Variants in ADGRE1 observed in about 807,000 individuals in gnomAD.
ADGRE1 encodes adhesion G protein-coupled receptor E1.
In ADGRE1, 82 loss-of-function variants were observed where a neutral mutation model predicts 102.7. The observed-to-expected ratio is 0.80, with a 90% CI of 0.67 to 0.96. The LOEUF (loss-of-function observed/expected upper bound fraction) is 0.96. Ranked by LOEUF, ADGRE1 falls within the 40% of genes least tolerant of loss-of-function variation. ADGRE1 has a pLI of 0.00. For missense variants in ADGRE1, 1,032 were observed against 1,085.3 expected (o/e 0.95, Z 0.69); for synonymous variants, 398 against 399.6 (o/e 1.00, Z 0.05).
intron 15 of ADGRE1, among the ~76,000 whole-genome samples, chr19:6,926,047 G>A (rs1974891300): frequency 6.6e-6 from 1 of 152,110 alleles, no homozygotes; most frequent in Non-Finnish European, 1.5e-5. Flanking sequence ...GGTCTAGTTT[G>A]CTGAACCCGC....
In ADGRE1 at chr19:6,928,925, G is replaced by A. The variant is rs552499388; in HGVS notation, c.2289+714G>A. Among the ~76,000 whole-genome samples the A allele has an allele frequency of 9.4e-5, 13 of 137,832 alleles. No individual in the cohort carries two copies. In the East Asian group the frequency reaches 1.0e-3, roughly 11 times the overall value. The allele number at this position is 137,832 out of a possible 152,430, so 90.4% of individuals were successfully genotyped here. A position where few individuals can be genotyped will look rare whatever the true frequency, so the allele number is the denominator to read the frequency against. ...TTGCACTCCAGCCTAGGCAACAAGA[G>A]CAAAACTCCATCTCAAAAAAAAAAA... On this transcript the variant is annotated intron_variant, in intron 17 of 20. Transcript: ENST00000312053.
intron 20 of ADGRE1, among the ~76,000 whole-genome samples, 186 bp downstream of exon 20, chr19:6,937,834 TTATC>T (rs144649712): frequency 6.6e-6 from 1 of 152,028 alleles, no homozygotes; most frequent in Non-Finnish European, 1.5e-5. Flanking sequence ...CACACACACA[TTATC>T]TATCTCTCTA....
At chr19:6,907,541 T>A (rs142018416) in intron 9 of ADGRE1, among the ~76,000 whole-genome samples, 2 of 152,278 alleles carry the variant, frequency 1.3e-5, no homozygotes, top group African/African-American at 4.8e-5. Context: ...GGTTTTGCCA[T>A]GTTGGCCAGA....
chr19:6,922,612 T>TCTCACA (rs1285686495), intron 14 of ADGRE1, among the ~76,000 whole-genome samples: 12 of 123,154 alleles, frequency 9.7e-5, no homozygotes, highest in African/African-American at 3.3e-4. Flanking sequence ...AGACTCTGTC[T>TCTCACA]CACACACACA....
chr19:6,937,511 C>T (rs35998173), intron 19 of ADGRE1, 33 bp from the exon 20 acceptor site: 2 of 1,569,380 alleles, frequency 1.3e-6, no homozygotes, highest in Admixed American at 3.5e-5. Context: ...TGGACCATTT[C>T]CCTGCATCTG....
At position 6,908,783 on chromosome 19, in the gene ADGRE1, G is replaced by C; in HGVS notation, c.1122+11G>C. 6.2e-7 allele frequency: 1 copy of C among 1,600,366 alleles called. No homozygotes were observed. The highest frequency in any genetic ancestry group is 8.5e-7 in the Non-Finnish European group (1 of 1,176,142). On this transcript the variant is annotated intron_variant, in intron 10 of 20. Transcript: ENST00000312053. ...GTAGTTTCTCTGAAGGTAACGATTG[G>C]GTCTTTTAAATTGTGTTTTGAGTTT...
At chr19:6,922,967 C>T (rs1269627961) in intron 14 of ADGRE1, among the ~76,000 whole-genome samples, 3 of 152,022 alleles carry the variant, frequency 2.0e-5, no homozygotes, top group African/African-American at 7.2e-5. Context: ...GTCCAAGCTA[C>T]TCGGGAGGCT....
At chr19:6,897,906 A>G (rs940135542) in intron 5 of ADGRE1, 3 of 187,514 alleles carry the variant, frequency 1.6e-5, no homozygotes, top group African/African-American at 7.6e-5. Flanking sequence ...TATTGCTAGC[A>G]AACATGATTT....
At chr19:6,892,129 G>C (rs1973400955) in intron 2 of ADGRE1, among the ~76,000 whole-genome samples, 1 of 152,126 alleles carries the variant, frequency 6.6e-6, no homozygotes. Context: ...TAAAATGCCG[G>C]AAGTCTGCAT....
intron 11 of ADGRE1, among the ~76,000 whole-genome samples, chr19:6,915,511 C>T (rs571289589): frequency 1.8e-4 from 28 of 152,266 alleles, no homozygotes; most frequent in African/African-American, 6.5e-4. Context: ...CAAATTTAGG[C>T]AGCTAGTGCG....
intron 1 of ADGRE1, among the ~76,000 whole-genome samples, chr19:6,889,259 ATGG>A (rs1195982856): frequency 6.6e-6 from 1 of 151,126 alleles, no homozygotes; most frequent in Non-Finnish European, 1.5e-5. Context: ...GATGATGATA[ATGG>A]TGATGATGGT....
intron 3 of ADGRE1, chr19:6,896,824 C>T (rs1361767901): frequency 4.1e-6 from 2 of 487,860 alleles, no homozygotes; most frequent in Non-Finnish European, 7.2e-6. Flanking sequence ...TCTCTTTGAT[C>T]ATGTAAATAA....
rs1973853281 is a variant in ADGRE1 at position 6,903,825 on chromosome 19, C to T, written c.677C>T (p.Thr226Ile). ...KASCEDIDEC[T>I]EMCPINSTCT... Reference sequence around the variant, plus strand: ...TACCCCACAGATATTGATGAATGCACTGAAATGTGCCCCATCAATTCAACA... The same window carrying T: ...TACCCCACAGATATTGATGAATGCATTGAAATGTGCCCCATCAATTCAACA... Residue 226 changes from threonine (T) to isoleucine (I), a missense_variant, in exon 7 of 21, where the codon ACT (threonine) becomes ATT (isoleucine). Coordinates refer to ENST00000312053, the MANE Select transcript of ADGRE1 (RefSeq NM_001974.5). 6.2e-7 allele frequency: 1 copy of T among 1,613,998 alleles called. No individual in the cohort carries two copies. Among genetic ancestry groups the T allele is most frequent in the African/African-American group, 1.3e-5 (1 of 74,912 alleles).
rs531328774 is a variant in ADGRE1, at chr19:6,906,576, T to C, written c.1038+55T>C. On this transcript the variant is annotated intron_variant, in intron 9 of 20. Coordinates refer to ENST00000312053, the MANE Select transcript of ADGRE1 (RefSeq NM_001974.5). ...GAGGTTTTCTTAGAAGCCATTTAGG[T>C]AGAATGTTGTTTTTGCAGTTCTAAC... 4.6e-6 allele frequency: 7 copies of C among 1,523,004 alleles called. No individual in the cohort carries two copies. The East Asian group carries it at 1.6e-4, about 35-fold the overall frequency. The allele number at this position is 1,523,004 out of a possible 1,614,324, so 94.3% of individuals were successfully genotyped here. A position where few individuals can be genotyped will look rare whatever the true frequency, so the allele number is the denominator to read the frequency against.
intron 2 of ADGRE1, 143 bp downstream of exon 2, chr19:6,890,686 C>T: frequency 1.3e-6 from 1 of 768,700 alleles, no homozygotes; most frequent in Non-Finnish European, 2.1e-6. Flanking sequence ...TGCAAGTCTC[C>T]TGATTCTCAC....
intron 15 of ADGRE1, among the ~76,000 whole-genome samples, chr19:6,925,531 T>C (rs1043202967): frequency 2.3e-4 from 35 of 152,258 alleles, no homozygotes; most frequent in African/African-American, 7.5e-4. Context: ...TGGAGCAGCG[T>C]GCTACTGCTC....
At chr19:6,937,202 C>T in intron 18 of ADGRE1, 41 bp from the exon 19 acceptor site, 1 of 1,579,102 alleles carries the variant, frequency 6.3e-7, no homozygotes, top group Non-Finnish European at 8.6e-7. Context: ...AGGACAATAG[C>T]CACCTCCCAG....
At chr19:6,923,173 G>A (rs1974742944) in intron 14 of ADGRE1, among the ~76,000 whole-genome samples, 1 of 152,144 alleles carries the variant, frequency 6.6e-6, no homozygotes, top group African/African-American at 2.4e-5. Flanking sequence ...GGACCCTGTG[G>A]CTTAGGATTT....
At chr19:6,910,521 T>G (rs1974132302) in intron 10 of ADGRE1, among the ~76,000 whole-genome samples, 1 of 151,746 alleles carries the variant, frequency 6.6e-6, no homozygotes, top group Non-Finnish European at 1.5e-5. Context: ...TGCAATAAAA[T>G]TATGTGGTTT....
Sources: gnomAD v4.1 joint callset for allele counts (sites outside exome capture counted in the v4.1 genomes callset) on GRCh38, gnomAD v4.1.1 for gene constraint, MANE v1.5 for transcripts, NCBI Gene and HGNC (gene_info 2026-07-23, HGNC 2026-07-21) for gene names.